Variants in NELL1 observed in about 807,000 individuals in gnomAD.
NELL1 encodes the protein protein kinase C-binding protein NELL1.
A neutral mutation model predicts 107.4 loss-of-function variants in NELL1; 76 were observed. That is an observed-to-expected ratio of 0.71 (90% CI 0.59 to 0.86). The LOEUF (loss-of-function observed/expected upper bound fraction) is 0.86, where lower values mean the gene tolerates loss of function less well. Among genes scored for constraint, NELL1 ranks in the 40% least tolerant of loss-of-function variants. The pLI is 0.00. For missense variants in NELL1, 1,024 were observed against 1,005.5 expected, an observed-to-expected ratio of 1.02 and a Z score of -0.25; for synonymous variants, 353 against 341.2, an observed-to-expected ratio of 1.03 and a Z score of -0.38.
At chr11:21,004,377 G>C (rs964542140) in intron 12 of NELL1, among the ~76,000 whole-genome samples, 6 of 151,976 alleles carry the variant, frequency 3.9e-5, no homozygotes, top group Non-Finnish European at 8.8e-5. Context: ...AAATTATAAA[G>C]TATTTTTGTT....
intron 14 of NELL1, among the ~76,000 whole-genome samples, chr11:21,336,476 C>T (rs1294117157): frequency 6.6e-6 from 1 of 151,716 alleles, no homozygotes; most frequent in Non-Finnish European, 1.5e-5. Context: ...CTTTGCTTTC[C>T]AGTCTAACCT....
At chr11:20,783,092 C>G (rs1856883002) in intron 2 of NELL1, among the ~76,000 whole-genome samples, 1 of 152,154 alleles carries the variant, frequency 6.6e-6, no homozygotes, top group African/African-American at 2.4e-5. Flanking sequence ...ATTCGTTAAG[C>G]AAAGGCAGAG....
At chr11:20,781,768 C>T (rs1426620705) in intron 2 of NELL1, among the ~76,000 whole-genome samples, 2 of 150,242 alleles carry the variant, frequency 1.3e-5, no homozygotes, top group African/African-American at 2.5e-5. Flanking sequence ...GTGGCTCACA[C>T]TTGTAATCCC....
At chr11:21,486,654 G>A (rs993959982) in intron 15 of NELL1, among the ~76,000 whole-genome samples, 5 of 151,954 alleles carry the variant, frequency 3.3e-5, no homozygotes, top group African/African-American at 1.2e-4. Flanking sequence ...TTTGGATAAA[G>A]AATTCAAAAT....
chr11:21,175,292 T>G (rs1856688689), intron 13 of NELL1, among the ~76,000 whole-genome samples: 3 of 151,816 alleles, frequency 2.0e-5, no homozygotes, highest in Non-Finnish European at 4.4e-5. Context: ...TGGCTGAATT[T>G]TCAATTCTAA....
intron 15 of NELL1, among the ~76,000 whole-genome samples, chr11:21,512,378 T>C (rs1411627930): frequency 6.6e-6 from 1 of 152,230 alleles, no homozygotes; most frequent in African/African-American, 2.4e-5. Flanking sequence ...GAAATCATGT[T>C]ATCAGGGAGT....
At chr11:20,954,474 C>G (rs1164428701) in intron 11 of NELL1, among the ~76,000 whole-genome samples, 2 of 152,166 alleles carry the variant, frequency 1.3e-5, no homozygotes, top group South Asian at 2.1e-4. Flanking sequence ...TCTGACTTAA[C>G]AAAGATTGCC....
chr11:21,277,050 G>A (rs1388732954), intron 14 of NELL1, among the ~76,000 whole-genome samples: 1 of 150,778 alleles, frequency 6.6e-6, no homozygotes, highest in Non-Finnish European at 1.5e-5. Flanking sequence ...TGACAAATGG[G>A]ATCTAATTAA....
chr11:20,989,143 C>T (rs982337792), intron 12 of NELL1, among the ~76,000 whole-genome samples: 1 of 152,156 alleles, frequency 6.6e-6, no homozygotes, highest in Non-Finnish European at 1.5e-5. Flanking sequence ...TCCAAGTCTT[C>T]GTGATGCAGA....
intron 14 of NELL1, among the ~76,000 whole-genome samples, chr11:21,367,795 A>C (rs1033384388): frequency 9.2e-5 from 14 of 152,068 alleles, no homozygotes; most frequent in African/African-American, 3.4e-4. Flanking sequence ...TACAGTTAAT[A>C]AATATAGAGC....
intron 14 of NELL1, among the ~76,000 whole-genome samples, chr11:21,240,716 G>A (rs1413047876): frequency 3.0e-5 from 4 of 132,398 alleles, no homozygotes; most frequent in South Asian, 2.4e-4. Flanking sequence ...GCACCTTGAC[G>A]TAGTCTTGTC....
At chr11:20,739,998 C>T (rs1855855342) in intron 2 of NELL1, among the ~76,000 whole-genome samples, 1 of 152,216 alleles carries the variant, frequency 6.6e-6, no homozygotes. Context: ...TATTGAGTCA[C>T]TGCCATTTGC....
chr11:21,067,620 T>A (rs1853908000), intron 12 of NELL1, among the ~76,000 whole-genome samples: 1 of 152,202 alleles, frequency 6.6e-6, no homozygotes, highest in Non-Finnish European at 1.5e-5. Flanking sequence ...GTCTGAAAAC[T>A]AACTGCAGGT....
chr11:21,229,245 AT>A, intron 13 of NELL1, 86 bp from the exon 14 acceptor site: 2 of 1,487,368 alleles, frequency 1.3e-6, no homozygotes, highest in Admixed American at 3.5e-5. Flanking sequence ...TGTCATTCTT[AT>A]TTGGTGAATT....
chr11:20,688,917 C>G (rs1412102904), intron 2 of NELL1, among the ~76,000 whole-genome samples: 1 of 152,052 alleles, frequency 6.6e-6, no homozygotes, highest in Non-Finnish European at 1.5e-5. Context: ...TATTTTGACT[C>G]TTTTGAACAT....
chr11:21,023,713 T>A (rs1461184631), intron 12 of NELL1, among the ~76,000 whole-genome samples: 1 of 151,962 alleles, frequency 6.6e-6, no homozygotes, highest in East Asian at 1.9e-4. Flanking sequence ...AGTAATATAG[T>A]GTGGAACATG....
intron 12 of NELL1, among the ~76,000 whole-genome samples, chr11:20,977,590 G>A (rs1851664789): frequency 6.6e-6 from 1 of 152,078 alleles, no homozygotes; most frequent in African/African-American, 2.4e-5. Flanking sequence ...GTCCAGATTA[G>A]GACTTTTTTC....
chr11:21,245,233 G>C (rs1010014741), intron 14 of NELL1, among the ~76,000 whole-genome samples: 1 of 152,046 alleles, frequency 6.6e-6, no homozygotes, highest in African/African-American at 2.4e-5. Context: ...CTTCTTCCCT[G>C]CTGTGAAATA....
At chr11:21,441,074 T>C (rs931097776) in intron 15 of NELL1, among the ~76,000 whole-genome samples, 2 of 152,146 alleles carry the variant, frequency 1.3e-5, no homozygotes, top group African/African-American at 4.8e-5. Flanking sequence ...ACTCCTTTAT[T>C]ATTAAACCTC....
Sources: gnomAD v4.1 joint callset for allele counts (sites outside exome capture counted in the v4.1 genomes callset) on GRCh38, gnomAD v4.1.1 for gene constraint, MANE v1.5 for transcripts, NCBI Gene and HGNC (gene_info 2026-07-23, HGNC 2026-07-21) for gene names.